Variants in DPP6 observed in about 807,000 individuals in gnomAD.
The protein encoded by DPP6 is dipeptidyl peptidase like 6.
DPP6 carries 69 observed loss-of-function variants against 122.6 expected under a neutral mutation model. That is an observed-to-expected ratio of 0.56 (90% CI 0.46 to 0.69). The LOEUF (loss-of-function observed/expected upper bound fraction) is 0.69. DPP6 is among the 30% of genes least tolerant of loss of function. The pLI is 0.00. For synonymous variants in DPP6, 418 were observed against 433.1 expected, an observed-to-expected ratio of 0.97 and a Z score of 0.43; for missense variants, 928 against 1,116.9, an observed-to-expected ratio of 0.83 and a Z score of 2.41.
At chr7:154,314,880 T>C (rs1225820392) in intron 1 of DPP6, among the ~76,000 whole-genome samples, 2 of 152,208 alleles carry the variant, frequency 1.3e-5, no homozygotes, top group Non-Finnish European at 2.9e-5. Context: ...ATGAATGGGT[T>C]AACAAATTCT....
intron 1 of DPP6, among the ~76,000 whole-genome samples, chr7:154,414,446 A>AG (rs1402785998): frequency 6.6e-5 from 10 of 152,230 alleles, no homozygotes; most frequent in Non-Finnish European, 1.3e-4. Context: ...GATCTCTTAT[A>AG]GGATACAATC....
intron 1 of DPP6, among the ~76,000 whole-genome samples, chr7:153,995,125 C>A (rs1797362201): frequency 6.6e-6 from 1 of 152,176 alleles, no homozygotes; most frequent in Non-Finnish European, 1.5e-5. Flanking sequence ...ACTGCAGTTG[C>A]TAGAAGTAAA....
intron 5 of DPP6, among the ~76,000 whole-genome samples, chr7:154,589,566 G>A (rs6960383): frequency 0.99 from 150,217 of 152,360 alleles, 74,170 homozygotes; most frequent in Non-Finnish European, 1. Context: ...CCAAGATGGT[G>A]GCATTACCCA....
chr7:154,226,825 C>G (rs62484141), intron 1 of DPP6, among the ~76,000 whole-genome samples: 10,354 of 152,134 alleles, frequency 0.068, 707 homozygotes, highest in African/African-American at 0.17. Flanking sequence ...AGTCAGGTGT[C>G]AATTGTCAGT....
At chr7:154,267,114 T>A (rs989337776) in intron 1 of DPP6, among the ~76,000 whole-genome samples, 1 of 152,044 alleles carries the variant, frequency 6.6e-6, no homozygotes, top group Non-Finnish European at 1.5e-5. Context: ...TCTATTGTTT[T>A]CCTTCTTCTA....
At chr7:154,111,943 T>G (rs1249386934) in intron 1 of DPP6, among the ~76,000 whole-genome samples, 1 of 152,206 alleles carries the variant, frequency 6.6e-6, no homozygotes, top group Non-Finnish European at 1.5e-5. Flanking sequence ...TATTCCTAAT[T>G]TTTAAATTTT....
the DPP6 span, among the ~76,000 whole-genome samples, chr7:153,774,842 G>A: frequency 4.6e-5 from 7 of 151,994 alleles, no homozygotes; most frequent in Admixed American, 3.9e-4. Flanking sequence ...ATATGCACCC[G>A]CAATCCTAGC....
chr7:154,340,996 T>C (rs73493263), intron 1 of DPP6, among the ~76,000 whole-genome samples: 3,834 of 152,268 alleles, frequency 0.025, 155 homozygotes, highest in African/African-American at 0.088. Flanking sequence ...TATATAAATA[T>C]ATAAATTGAA....
intron 18 of DPP6, among the ~76,000 whole-genome samples, chr7:154,871,036 T>C (rs1804343182): frequency 6.6e-6 from 1 of 151,068 alleles, no homozygotes; most frequent in Admixed American, 6.6e-5. Flanking sequence ...GGCATGTCTC[T>C]GAAGCTCCTC....
chr7:154,184,632 A>G (rs548938967), intron 1 of DPP6, among the ~76,000 whole-genome samples: 1 of 152,196 alleles, frequency 6.6e-6, no homozygotes, highest in South Asian at 2.1e-4. Flanking sequence ...GAGGGTGAGT[A>G]AAAGGATACA....
intron 1 of DPP6, among the ~76,000 whole-genome samples, chr7:154,317,242 A>G (rs546632656): frequency 3.4e-4 from 52 of 152,268 alleles, no homozygotes; most frequent in African/African-American, 1.2e-3. Flanking sequence ...CACGCCTGTA[A>G]TCACAGCACT....
chr7:154,397,419 A>G (rs1165398699), intron 1 of DPP6, among the ~76,000 whole-genome samples: 1 of 152,238 alleles, frequency 6.6e-6, no homozygotes, highest in African/African-American at 2.4e-5. Flanking sequence ...AACCTCCTTT[A>G]GAAACGAGAG....
intron 17 of DPP6, among the ~76,000 whole-genome samples, chr7:154,866,277 C>T (rs1803867709): frequency 6.6e-6 from 1 of 152,222 alleles, no homozygotes; most frequent in South Asian, 2.1e-4. Context: ...GTCACTGTCT[C>T]ATAAACCAAC....
the DPP6 span, among the ~76,000 whole-genome samples, chr7:153,790,039 T>G: frequency 6.6e-6 from 1 of 152,190 alleles, no homozygotes; most frequent in African/African-American, 2.4e-5. Context: ...CTAATTTTTA[T>G]GAACTAAAAA....
At chr7:154,005,377 T>A (rs1417690687) in intron 1 of DPP6, among the ~76,000 whole-genome samples, 1 of 152,112 alleles carries the variant, frequency 6.6e-6, no homozygotes, top group Non-Finnish European at 1.5e-5. Context: ...CTAGTGCTGT[T>A]GGGAGCTCCA....
chr7:153,786,718 G>A, the DPP6 span, among the ~76,000 whole-genome samples: 192 of 130,244 alleles, frequency 1.5e-3, no homozygotes, highest in African/African-American at 5.2e-3. Flanking sequence ...CAGCCTGGGC[G>A]ACAGAGCGAG....
At chr7:153,884,551 T>G (rs1798840849), upstream of DPP6, among the ~76,000 whole-genome samples, 1 of 152,208 alleles carries the variant, frequency 6.6e-6, no homozygotes, top group Admixed American at 6.5e-5. Flanking sequence ...GGAATATAAA[T>G]CATGCTGCTA....
At chr7:153,778,670 C>T in the DPP6 span, among the ~76,000 whole-genome samples, 1 of 152,010 alleles carries the variant, frequency 6.6e-6, no homozygotes, top group African/African-American at 2.4e-5. Flanking sequence ...CCAATCCCCT[C>T]CCCTCACTTC....
chr7:154,464,917 T>C (rs1276554876), intron 2 of DPP6, among the ~76,000 whole-genome samples: 1 of 152,224 alleles, frequency 6.6e-6, no homozygotes, highest in East Asian at 1.9e-4. Flanking sequence ...GAATCCTACT[T>C]ATACTATGGG....
Sources: gnomAD v4.1 joint callset for allele counts (sites outside exome capture counted in the v4.1 genomes callset) on GRCh38, gnomAD v4.1.1 for gene constraint, MANE v1.5 for transcripts, NCBI Gene and HGNC (gene_info 2026-07-23, HGNC 2026-07-21) for gene names.